The following SLC14A2 variants were observed in gnomAD, a reference collection of about 807,000 sequenced individuals.
SLC14A2 encodes urea transporter 2.
SLC14A2 carries 91 observed loss-of-function variants against 104.6 expected under a neutral mutation model. The observed-to-expected ratio is 0.87, with a 90% CI of 0.73 to 1.04. The LOEUF is 1.04. SLC14A2 is among the 50% of genes least tolerant of loss of function. The pLI is 0.00. For synonymous variants in SLC14A2, 476 were observed against 466.4 expected (o/e 1.02, Z -0.27); for missense variants, 1,189 against 1,156.0 (o/e 1.03, Z -0.41).
intron 2 of SLC14A2, among the ~76,000 whole-genome samples, chr18:45,574,424 T>C (rs2044392019): frequency 6.6e-6 from 1 of 152,208 alleles, no homozygotes; most frequent in Non-Finnish European, 1.5e-5. Context: ...TGCTGACTCT[T>C]GAGCTGAGGT....
chr18:45,414,486 T>C (rs916218140), intron 1 of SLC14A2, among the ~76,000 whole-genome samples: 2 of 152,018 alleles, frequency 1.3e-5, no homozygotes, highest in African/African-American at 4.8e-5. Context: ...CAGTCTCTTC[T>C]CTCTTCCTAC....
At chr18:45,491,503 G>T (rs917488339) in intron 2 of SLC14A2, among the ~76,000 whole-genome samples, 2 of 152,018 alleles carry the variant, frequency 1.3e-5, no homozygotes, top group Non-Finnish European at 2.9e-5. Flanking sequence ...GGATAAAAAG[G>T]GTGCGATAGT....
rs746713648 is a variant in SLC14A2 at position 45,666,124 on chromosome 18, C to G, written c.1475-13C>G. 1.2e-6 allele frequency: 2 copies of G among 1,606,074 alleles called. No homozygotes were observed. Among genetic ancestry groups the G allele is most frequent in the South Asian group, 2.2e-5 (2 of 90,888 alleles). On this transcript the variant is annotated splice_polypyrimidine_tract_variant and intron_variant, in intron 11 of 19. Coordinates refer to ENST00000255226, the MANE Select transcript of SLC14A2 (RefSeq NM_007163.4). ...GTGTCCTAACTGATGGTGCTCTTTC[C>G]TTCTAACTCCAGTGTTTGGAAAAGG...
At chr18:45,495,641 A>G (rs2043082321) in intron 2 of SLC14A2, among the ~76,000 whole-genome samples, 1 of 152,160 alleles carries the variant, frequency 6.6e-6, no homozygotes, top group African/African-American at 2.4e-5. Context: ...GTCATTGCCT[A>G]TGTTAGCCCC....
intron 11 of SLC14A2, among the ~76,000 whole-genome samples, chr18:45,665,115 C>G (rs992186041): frequency 5.9e-5 from 9 of 152,178 alleles, no homozygotes; most frequent in Admixed American, 5.9e-4. Context: ...GTGTCACCTC[C>G]CAAACACACT....
intron 1 of SLC14A2, among the ~76,000 whole-genome samples, chr18:45,283,242 T>C (rs1339243378): frequency 1.3e-5 from 2 of 148,936 alleles, no homozygotes; most frequent in African/African-American, 5.0e-5. Context: ...AGTCTCCTAA[T>C]TGATAAAAGT....
At chr18:45,295,254 G>T (rs565352096) in intron 1 of SLC14A2, among the ~76,000 whole-genome samples, 1 of 152,036 alleles carries the variant, frequency 6.6e-6, no homozygotes, top group Non-Finnish European at 1.5e-5. Flanking sequence ...CCCATTGTCC[G>T]TTCACACAGC....
chr18:45,566,783 C>T (rs755717294), intron 2 of SLC14A2, among the ~76,000 whole-genome samples: 2 of 152,142 alleles, frequency 1.3e-5, no homozygotes, highest in South Asian at 2.1e-4. Context: ...AACTGCAGGG[C>T]GGTACAGACA....
the SLC14A2 span, among the ~76,000 whole-genome samples, chr18:45,199,035 G>C: frequency 6.6e-6 from 1 of 152,046 alleles, no homozygotes; most frequent in Admixed American, 6.6e-5. Flanking sequence ...ATTAAACTTA[G>C]TCCTTAAATG....
In SLC14A2 at chr18:45,627,158, C is replaced by CA. The variant is rs2045273111; in HGVS notation, c.521+11_521+12insA. On this transcript the variant is annotated intron_variant, in intron 4 of 19. Coordinates refer to ENST00000255226, the MANE Select transcript of SLC14A2 (RefSeq NM_007163.4). ...CTTGGGCCAAGACAGGTGGGTCCCT[C>CA]TCTATAGGGATTTTAGCAAGATGTG... 6.2e-7 allele frequency: 1 copy of CA among 1,611,454 alleles called. No individual in the cohort carries two copies. The highest frequency in any genetic ancestry group is 1.3e-5 in the African/African-American group (1 of 74,992).
chr18:45,215,271 T>C (rs1191213452), intron 1 of SLC14A2, among the ~76,000 whole-genome samples: 1 of 152,228 alleles, frequency 6.6e-6, no homozygotes, highest in African/African-American at 2.4e-5. Flanking sequence ...AGTTCTATTG[T>C]TAATAGCCTT....
At chr18:45,203,737 C>T in the SLC14A2 span, among the ~76,000 whole-genome samples, 1 of 152,212 alleles carries the variant, frequency 6.6e-6, no homozygotes, top group African/African-American at 2.4e-5. Context: ...CCTAATCCAA[C>T]ACCAATTTAG....
Position 45,234,520 on chromosome 18 carries a change from A to G in SLC14A2, c.-125+21329A>G, listed in dbSNP as rs543981019. ...CCCAAAGTGGCTAAGAGGCTTCCAA[A>G]ACATCACTCAAAATTTTGGAGGTAA... is the stretch of plus-strand genomic sequence containing the variant. On this transcript the variant is annotated intron_variant, in intron 1 of 20. Transcript: ENST00000586448. 5.0e-4 allele frequency among the ~76,000 whole-genome samples: 73 copies of G among 146,642 alleles called. 1 individual carries two copies. Among genetic ancestry groups the G allele is most frequent in the Non-Finnish European group, 8.1e-4 (55 of 68,018 alleles).
the SLC14A2 span, among the ~76,000 whole-genome samples, chr18:45,184,902 C>T: frequency 1.3e-5 from 2 of 152,198 alleles, no homozygotes; most frequent in African/African-American, 4.8e-5. Flanking sequence ...TATCCCTCAA[C>T]AAGTTCCTCT....
intron 2 of SLC14A2, among the ~76,000 whole-genome samples, chr18:45,517,076 T>C (rs935013469): frequency 1.3e-5 from 2 of 152,128 alleles, no homozygotes; most frequent in Non-Finnish European, 2.9e-5. Context: ...ACTGGCAGGG[T>C]CCCTGCTCTC....
chr18:45,242,201 C>T (rs963930326), intron 1 of SLC14A2, among the ~76,000 whole-genome samples: 63 of 152,076 alleles, frequency 4.1e-4, no homozygotes, highest in African/African-American at 1.2e-3. Flanking sequence ...TGCTCTACTC[C>T]GTTTGTAATT....
chr18:45,393,628 G>A (rs1307276985), intron 1 of SLC14A2, among the ~76,000 whole-genome samples: 6 of 152,168 alleles, frequency 3.9e-5, no homozygotes, highest in Admixed American at 2.6e-4. Flanking sequence ...TGAGAGTAAC[G>A]CAAGCACTAG....
intron 2 of SLC14A2, among the ~76,000 whole-genome samples, chr18:45,517,941 G>A (rs1304548053): frequency 6.6e-6 from 1 of 152,180 alleles, no homozygotes; most frequent in Non-Finnish European, 1.5e-5. Flanking sequence ...TATTGTAACT[G>A]CTGTAGAAGA....
At position 45,265,798 on chromosome 18, in the gene SLC14A2, C is replaced by T. The variant is rs962722023; in HGVS notation, c.-125+52607C>T. Among the ~76,000 whole-genome samples the T allele has an allele frequency of 3.3e-5, 5 of 152,104 alleles. No individual in the cohort carries two copies. The East Asian group carries it at 9.6e-4, about 29-fold the overall frequency. ...TAATTTATAAGCAGAGAGTGAGTTG[C>T]CCTGTTGTTACTGTTTTTAGAATTT... On this transcript the variant is annotated intron_variant, in intron 1 of 20. Transcript: ENST00000586448.
Sources: allele counts gnomAD v4.1 joint callset (sites outside exome capture counted in the v4.1 genomes callset), GRCh38; gene constraint gnomAD v4.1.1; transcripts MANE v1.5; gene names NCBI Gene and HGNC (gene_info 2026-07-23, HGNC 2026-07-21).